The following MYO5B variants were observed in gnomAD, a reference collection of about 807,000 sequenced individuals.
MYO5B encodes the protein unconventional myosin-Vb.
Under a neutral mutation model 229.3 loss-of-function variants are expected in MYO5B, and 143 were observed. The observed-to-expected ratio is 0.62, with a 90% confidence interval of 0.54 to 0.72. The LOEUF (loss-of-function observed/expected upper bound fraction) is 0.72, where lower values mean the gene tolerates loss of function less well. MYO5B is among the 30% of genes least tolerant of loss of function. The pLI, the probability that MYO5B is intolerant of heterozygous loss-of-function variation, is 0.00. For synonymous variants in MYO5B, 918 were observed against 885.2 expected (o/e 1.04, Z -0.66); for missense variants, 2,321 against 2,331.0 (o/e 1.00, Z 0.09).
intron 1 of MYO5B, among the ~76,000 whole-genome samples, chr18:50,174,200 A>C (rs2032961001): frequency 6.6e-6 from 1 of 152,166 alleles, no homozygotes; most frequent in East Asian, 1.9e-4. Flanking sequence ...TTCTGCAGAC[A>C]AACAGAATAG....
intron 35 of MYO5B, 43 bp downstream of exon 35, chr18:49,841,322 G>C (rs1177920124): frequency 6.3e-7 from 1 of 1,580,688 alleles, no homozygotes; most frequent in East Asian, 2.2e-5. Flanking sequence ...ACCACATTTG[G>C]ATGAAGCAGG....
At chr18:49,878,019 T>G (rs1234997892) in intron 24 of MYO5B, 137 bp from the exon 25 acceptor site, 1 of 1,078,436 alleles carries the variant, frequency 9.3e-7, no homozygotes, top group Non-Finnish European at 1.4e-6. Context: ...CTTGGAATGA[T>G]GGCTAAATAA....
At chr18:50,127,638 C>G (rs2032187238) in intron 1 of MYO5B, among the ~76,000 whole-genome samples, 1 of 152,210 alleles carries the variant, frequency 6.6e-6, no homozygotes, top group African/African-American at 2.4e-5. Flanking sequence ...GGGAAAACCT[C>G]ACGGAAGAGG....
intron 1 of MYO5B, among the ~76,000 whole-genome samples, chr18:50,064,666 C>G (rs1053915505): frequency 6.6e-6 from 1 of 152,196 alleles, no homozygotes; most frequent in Non-Finnish European, 1.5e-5. Flanking sequence ...GATTTACATT[C>G]TCATCTCTAT....
At chr18:50,156,062 A>G (rs1483424052) in intron 1 of MYO5B, among the ~76,000 whole-genome samples, 2 of 152,202 alleles carry the variant, frequency 1.3e-5, no homozygotes. Flanking sequence ...AATCCTTTGG[A>G]TTGTTCCAAT....
At chr18:50,026,708 G>T (rs2026335192) in intron 4 of MYO5B, among the ~76,000 whole-genome samples, 1 of 152,194 alleles carries the variant, frequency 6.6e-6, no homozygotes, top group African/African-American at 2.4e-5. Context: ...CACCTATGAT[G>T]TGCCATCAGT....
intron 1 of MYO5B, among the ~76,000 whole-genome samples, chr18:50,132,509 C>G (rs1301149754): frequency 1.3e-5 from 2 of 152,218 alleles, no homozygotes; most frequent in African/African-American, 2.4e-5. Flanking sequence ...AACATTAACT[C>G]TTTCTAGGCC....
At chr18:49,994,695 G>A (rs926886086) in intron 5 of MYO5B, among the ~76,000 whole-genome samples, 10 of 152,152 alleles carry the variant, frequency 6.6e-5, no homozygotes, top group African/African-American at 2.4e-4. Flanking sequence ...GGGGACTCAC[G>A]CTCCTGGCAC....
intron 7 of MYO5B, among the ~76,000 whole-genome samples, chr18:49,987,682 G>C (rs2025885741): frequency 1.3e-5 from 2 of 152,112 alleles, no homozygotes; most frequent in African/African-American, 4.8e-5. Context: ...TCTGACCTAT[G>C]CAAGGCCAGA....
intron 1 of MYO5B, among the ~76,000 whole-genome samples, chr18:50,173,492 GCA>G (rs2032948928): frequency 1.3e-5 from 2 of 152,196 alleles, no homozygotes; most frequent in Non-Finnish European, 2.9e-5. Flanking sequence ...TCTGGCTGCT[GCA>G]CAGAGAACAG....
At chr18:49,979,294 CT>C (rs1190138505) in intron 9 of MYO5B, among the ~76,000 whole-genome samples, 1 of 152,222 alleles carries the variant, frequency 6.6e-6, no homozygotes, top group Non-Finnish European at 1.5e-5. Context: ...ACACCTCCTC[CT>C]TTTCCACTGG....
intron 4 of MYO5B, among the ~76,000 whole-genome samples, chr18:50,017,345 G>T (rs1452870186): frequency 2.6e-5 from 4 of 151,860 alleles, no homozygotes; most frequent in African/African-American, 9.7e-5. Context: ...GGCTAATCTC[G>T]AACTCCTGAA....
intron 1 of MYO5B, among the ~76,000 whole-genome samples, chr18:50,068,634 A>G (rs1326489927): frequency 6.6e-6 from 1 of 152,218 alleles, no homozygotes; most frequent in African/African-American, 2.4e-5. Flanking sequence ...TCTTTCCAGG[A>G]TGACTGAGAA....
intron 21 of MYO5B, among the ~76,000 whole-genome samples, chr18:49,897,276 G>A (rs775511408): frequency 2.0e-5 from 3 of 152,084 alleles, no homozygotes; most frequent in African/African-American, 4.8e-5. Flanking sequence ...CCACACCCTC[G>A]GAGACCCCAG....
Position 49,902,744 on chromosome 18 carries a change from G to A in MYO5B, c.2661C>T (p.Ala887=), listed in dbSNP as rs1183009341. ...RRHFQRLRDA[A]IVIQCAFRML... is the part of the protein sequence containing the mutation. The stretch of plus-strand genomic sequence containing the variant: ...TCCGGAAGGCACACTGGATGACAAT[G>A]GCTGCATCCCGCAGCCGCTGGAAGT... The change falls in exon 21 of 40, where the codon GCC becomes GCT. Residue 887 remains alanine, a synonymous_variant. Coordinates refer to ENST00000285039, the MANE Select transcript of MYO5B (RefSeq NM_001080467.3). 6.2e-7 allele frequency: 1 copy of A among 1,608,684 alleles called. No individual in the cohort carries two copies. The highest frequency in any genetic ancestry group is 2.2e-5 in the East Asian group (1 of 44,898).
At chr18:49,935,840 G>A (rs2025243542) in intron 16 of MYO5B, among the ~76,000 whole-genome samples, 1 of 152,198 alleles carries the variant, frequency 6.6e-6, no homozygotes, top group East Asian at 1.9e-4. Context: ...GTGAGAAACA[G>A]GACCATGTTC....
At chr18:50,037,467 C>G (rs921200105) in intron 3 of MYO5B, among the ~76,000 whole-genome samples, 4 of 152,170 alleles carry the variant, frequency 2.6e-5, no homozygotes, top group Admixed American at 6.5e-5. Context: ...ATTTACATAT[C>G]TTGAGATCTA....
In MYO5B at chr18:50,001,052, CTCT is replaced by C. The variant is rs144993451; in HGVS notation, c.612+200_612+202del. Among the ~76,000 whole-genome samples, 7,406 of 152,268 alleles carry C rather than the reference CTCT, an allele frequency of 0.049. 207 individuals carry two copies. Among genetic ancestry groups the C allele is most frequent in the Non-Finnish European group, 0.063 (4,311 of 68,012 alleles). ...AAGGGACATGGAGAATATGAGGACA[CTCT>C]ACCCAGTACTGGGAACCTAAAGACA... is the stretch of plus-strand genomic sequence containing the variant. On this transcript the variant is annotated intron_variant, in intron 5 of 39. Transcript: ENST00000285039.
intron 1 of MYO5B, among the ~76,000 whole-genome samples, chr18:50,180,947 C>T (rs1256257564): frequency 6.6e-6 from 1 of 152,212 alleles, no homozygotes; most frequent in Non-Finnish European, 1.5e-5. Context: ...GTGCTCCCTG[C>T]TTTTGACAAT....
Sources: gnomAD v4.1 joint callset for allele counts (sites outside exome capture counted in the v4.1 genomes callset) on GRCh38, gnomAD v4.1.1 for gene constraint, MANE v1.5 for transcripts, NCBI Gene and HGNC (gene_info 2026-07-23, HGNC 2026-07-21) for gene names.